ADRA1B: variants seen among roughly 807,000 people sequenced by gnomAD.
ADRA1B encodes adrenoceptor alpha 1B.
A neutral mutation model predicts 17.9 loss-of-function variants in ADRA1B; 17 were observed. That is an observed-to-expected ratio of 0.95 (90% CI 0.65 to 1.42). The LOEUF is 1.42. ADRA1B is among the 40% of genes most tolerant of loss of function. The pLI is 0.00. For missense variants in ADRA1B, 681 were observed against 722.1 expected, an observed-to-expected ratio of 0.94 and a Z score of 0.65; for synonymous variants, 366 against 327.6, an observed-to-expected ratio of 1.12 and a Z score of -1.27.
At chr5:159,944,711 T>C (rs1474787323) in intron 1 of ADRA1B, among the ~76,000 whole-genome samples, 1 of 146,412 alleles carries the variant, frequency 6.8e-6, no homozygotes, top group Admixed American at 6.8e-5. Flanking sequence ...CTGGGGGAGA[T>C]GGGGGGTTGG....
At chr5:159,869,877 A>T (rs1753712822) in intron 1 of ADRA1B, 2 of 152,204 alleles carry the variant, frequency 1.3e-5, no homozygotes, top group Non-Finnish European at 2.9e-5. Flanking sequence ...CATAATACAT[A>T]GTCAATTAAT....
chr5:159,965,124 T>C (rs532780773), intron 1 of ADRA1B, among the ~76,000 whole-genome samples: 1 of 152,324 alleles, frequency 6.6e-6, no homozygotes, highest in African/African-American at 2.4e-5. Context: ...AATAAATATT[T>C]GCTGAAGCAA....
chr5:159,988,812 A>C, the ADRA1B span, among the ~76,000 whole-genome samples: 1 of 152,178 alleles, frequency 6.6e-6, no homozygotes, highest in Non-Finnish European at 1.5e-5. Flanking sequence ...CCCCATCTCT[A>C]CAAAAAAAAT....
chr5:159,890,322 G>T (rs1208301755), intron 1 of ADRA1B, among the ~76,000 whole-genome samples: 1 of 152,138 alleles, frequency 6.6e-6, no homozygotes, highest in East Asian at 1.9e-4. Flanking sequence ...ATTTTCCCAG[G>T]TGTAGGATAC....
chr5:159,975,353 G>T (rs530568573), downstream of ADRA1B, among the ~76,000 whole-genome samples: 12 of 152,236 alleles, frequency 7.9e-5, no homozygotes, highest in Non-Finnish European at 1.6e-4. Context: ...TAGGGCCTTG[G>T]TTCAAGTCTT....
chr5:159,880,364 A>T (rs1007240052), intron 1 of ADRA1B, among the ~76,000 whole-genome samples: 5 of 152,212 alleles, frequency 3.3e-5, no homozygotes, highest in African/African-American at 1.2e-4. Context: ...CACATAATTC[A>T]TTCCTTAAAA....
intron 1 of ADRA1B, among the ~76,000 whole-genome samples, chr5:159,937,162 AT>A (rs2113216949): frequency 6.6e-6 from 1 of 152,318 alleles, no homozygotes; most frequent in East Asian, 1.9e-4. Context: ...CTGTATGTGT[AT>A]TTCCTGTTTT....
chr5:159,930,046 TC>T lies in ADRA1B; in HGVS notation c.949+12193del, dbSNP rs201170780. Among the ~76,000 whole-genome samples the T allele has an allele frequency of 4.7e-3, 720 of 152,372 alleles. 9 individuals are homozygous for T. Among genetic ancestry groups the T allele is most frequent in the East Asian group, 0.037 (192 of 5,192 alleles). ...AGCATATCTTAGACATAGTTCTGTG[TC>T]AGAATGCATAGAGTTACTGCTGGTT... is the stretch of plus-strand genomic sequence containing the variant. On this transcript the variant is annotated intron_variant, in intron 1 of 1. Transcript: ENST00000306675.
the ADRA1B span, among the ~76,000 whole-genome samples, chr5:159,983,886 C>T: frequency 6.6e-6 from 1 of 151,746 alleles, no homozygotes; most frequent in Non-Finnish European, 1.5e-5. Flanking sequence ...TCCCTGACTC[C>T]ACTTTCCCTC....
intron 1 of ADRA1B, among the ~76,000 whole-genome samples, chr5:159,880,992 T>C (rs1753855219): frequency 6.6e-6 from 1 of 152,106 alleles, no homozygotes; most frequent in South Asian, 2.1e-4. Flanking sequence ...TTGGTCTTAA[T>C]TAAAGATTGC....
chr5:159,913,424 G>A (rs752107130), upstream of ADRA1B, among the ~76,000 whole-genome samples: 5 of 152,168 alleles, frequency 3.3e-5, no homozygotes, highest in Admixed American at 1.3e-4. Flanking sequence ...CCTGCTACAC[G>A]GCTGTTATTA....
chr5:159,950,862 CA>C, intron 1 of ADRA1B: 1 of 594,286 alleles, frequency 1.7e-6, no homozygotes, highest in South Asian at 1.7e-5. Flanking sequence ...ACAGCCTTGG[CA>C]GTGCCAGTAG....
the ADRA1B span, among the ~76,000 whole-genome samples, chr5:159,986,127 C>T: frequency 2.6e-5 from 4 of 152,184 alleles, no homozygotes; most frequent in East Asian, 1.9e-4. Flanking sequence ...TTTTAAGAGA[C>T]AATGCTCACC....
At chr5:159,932,172 A>T (rs1754826977) in intron 1 of ADRA1B, among the ~76,000 whole-genome samples, 1 of 151,716 alleles carries the variant, frequency 6.6e-6, no homozygotes, top group Admixed American at 6.6e-5. Context: ...TTTGTTTTTA[A>T]AGACGGAGTA....
chr5:159,910,650 A>T (rs1363442348), intron 1 of ADRA1B, among the ~76,000 whole-genome samples: 2 of 152,230 alleles, frequency 1.3e-5, no homozygotes, highest in Non-Finnish European at 2.9e-5. Context: ...CATAGACAAC[A>T]CGCAAACAAA....
At position 159,941,886 on chromosome 5, in the gene ADRA1B, G is replaced by A. The variant is rs543837658; in HGVS notation, c.949+24032G>A. ...TGTTCGCAGAGACTGAGGAGAAGGGGAAATGAGATGACTGCTAATGGGTAC... is the reference window on the plus strand; with the variant it reads ...TGTTCGCAGAGACTGAGGAGAAGGGAAAATGAGATGACTGCTAATGGGTAC... On this transcript the variant is annotated intron_variant, in intron 1 of 1. Coordinates refer to ENST00000306675, the MANE Select transcript of ADRA1B (RefSeq NM_000679.4). 7.1e-4 allele frequency among the ~76,000 whole-genome samples: 108 copies of A among 151,194 alleles called. 1 individual carries two copies. The highest frequency in any genetic ancestry group is 1.3e-3 in the Non-Finnish European group (86 of 67,876).
chr5:159,874,634 A>G (rs1753783399), intron 1 of ADRA1B, among the ~76,000 whole-genome samples: 1 of 152,218 alleles, frequency 6.6e-6, no homozygotes. Flanking sequence ...GGAGCTCTGA[A>G]AATTTTTAAT....
intron 1 of ADRA1B, among the ~76,000 whole-genome samples, chr5:159,876,908 G>T (rs1753810310): frequency 6.6e-6 from 1 of 152,184 alleles, no homozygotes; most frequent in Admixed American, 6.5e-5. Flanking sequence ...CCTGGCGCTT[G>T]TGTTTCAGGT....
intron 1 of ADRA1B, chr5:159,947,945 G>A (rs754748788): frequency 1.0e-6 from 1 of 985,312 alleles, no homozygotes; most frequent in East Asian, 1.1e-4. Context: ...CCAAGCTCCA[G>A]CTGTCCCTGG....
Sources: gnomAD v4.1 joint callset for allele counts (sites outside exome capture counted in the v4.1 genomes callset) on GRCh38, gnomAD v4.1.1 for gene constraint, MANE v1.5 for transcripts, NCBI Gene and HGNC (gene_info 2026-07-23, HGNC 2026-07-21) for gene names.